Variants in GABRB1 observed in about 807,000 individuals in gnomAD.
GABRB1 encodes the protein gamma-aminobutyric acid type A receptor subunit beta1.
GABRB1 carries 17 observed loss-of-function variants against 51.6 expected under a neutral mutation model. That is an observed-to-expected ratio of 0.33 (90% CI 0.23 to 0.49). The LOEUF (loss-of-function observed/expected upper bound fraction) is 0.49. Ranked by LOEUF, GABRB1 falls within the 20% of genes least tolerant of loss-of-function variation. The pLI, the probability that GABRB1 is intolerant of heterozygous loss-of-function variation, is 0.99. For missense variants in GABRB1, 410 were observed against 600.6 expected, an observed-to-expected ratio of 0.68 and a Z score of 3.32; for synonymous variants, 247 against 218.9, an observed-to-expected ratio of 1.13 and a Z score of -1.14.
intron 4 of GABRB1, among the ~76,000 whole-genome samples, chr4:47,218,543 G>A (rs1404525712): frequency 6.6e-6 from 1 of 151,826 alleles, no homozygotes; most frequent in Non-Finnish European, 1.5e-5. Context: ...GGGGTGAGAT[G>A]ATATCTCATT....
intron 4 of GABRB1, among the ~76,000 whole-genome samples, chr4:47,181,149 C>G (rs1455360227): frequency 6.6e-6 from 1 of 151,962 alleles, no homozygotes; most frequent in Non-Finnish European, 1.5e-5. Context: ...CCTTTTATAG[C>G]TCCTACTAGT....
chr4:47,150,618 T>G lies in GABRB1; in HGVS notation c.241-10631T>G, dbSNP rs541400418. 1.1e-4 allele frequency among the ~76,000 whole-genome samples: 16 copies of G among 143,264 alleles called. No homozygotes were observed. In the South Asian group the frequency reaches 3.8e-3, roughly 34 times the overall value. 94.0% of individuals were successfully genotyped at this position (143,264 alleles called of 152,430 possible). A position where few individuals can be genotyped will look rare whatever the true frequency, so the allele number is the denominator to read the frequency against. ...TTACAGAAATAAATATATACTATCT[T>G]TTCAATACATGACAAAAGCCACATA... On this transcript the variant is annotated intron_variant, in intron 3 of 8. Coordinates refer to ENST00000295454, the MANE Select transcript of GABRB1 (RefSeq NM_000812.4).
intron 3 of GABRB1, among the ~76,000 whole-genome samples, chr4:47,104,711 T>C (rs1714879555): frequency 6.6e-6 from 1 of 152,014 alleles, no homozygotes; most frequent in African/African-American, 2.4e-5. Context: ...GTATCACATT[T>C]ACTAATTGTT....
At chr4:47,029,914 AT>A (rs1354585390), upstream of GABRB1, among the ~76,000 whole-genome samples, 7 of 152,132 alleles carry the variant, frequency 4.6e-5, no homozygotes, top group African/African-American at 1.7e-4. Flanking sequence ...CAGTTTCTAT[AT>A]AGCACAATAA....
At chr4:47,332,324 C>T (rs1725515054) in intron 5 of GABRB1, among the ~76,000 whole-genome samples, 1 of 152,122 alleles carries the variant, frequency 6.6e-6, no homozygotes, top group Admixed American at 6.6e-5. Context: ...GTTTCAAAGT[C>T]CATTTATTAT....
chr4:47,020,624 C>T (rs1289846579), intron 1 of GABRB1, among the ~76,000 whole-genome samples: 1 of 152,126 alleles, frequency 6.6e-6, no homozygotes, highest in African/African-American at 2.4e-5. Flanking sequence ...CATCTATATC[C>T]TCTCTCAGGA....
At chr4:47,405,538 C>A (rs921603895) in intron 7 of GABRB1, among the ~76,000 whole-genome samples, 6 of 151,854 alleles carry the variant, frequency 4.0e-5, no homozygotes, top group Non-Finnish European at 8.8e-5. Context: ...CTCTTTTGAC[C>A]CTAGCTGGGT....
chr4:47,402,489 G>C (rs563474994), intron 5 of GABRB1, among the ~76,000 whole-genome samples: 5 of 152,260 alleles, frequency 3.3e-5, no homozygotes, highest in Admixed American at 1.3e-4. Context: ...TTTTTAAAAT[G>C]TATCTGTACA....
intron 8 of GABRB1, among the ~76,000 whole-genome samples, chr4:47,415,547 A>G (rs948012369): frequency 6.6e-6 from 1 of 152,236 alleles, no homozygotes; most frequent in African/African-American, 2.4e-5. Context: ...CTCACCAGGA[A>G]GATGGAAAAT....
At chr4:47,083,175 C>T (rs1262997845) in intron 3 of GABRB1, among the ~76,000 whole-genome samples, 1 of 152,046 alleles carries the variant, frequency 6.6e-6, no homozygotes, top group East Asian at 1.9e-4. Context: ...TTTAGGAGAC[C>T]TTTAGTCTTG....
chr4:47,422,589 T>C (rs1429098530), intron 8 of GABRB1, among the ~76,000 whole-genome samples: 2 of 152,164 alleles, frequency 1.3e-5, no homozygotes, highest in African/African-American at 2.4e-5. Context: ...CTTGAGTTTC[T>C]CTTCATAGCA....
intron 1 of GABRB1, among the ~76,000 whole-genome samples, chr4:47,017,898 A>C (rs967313744): frequency 1.3e-5 from 2 of 152,196 alleles, no homozygotes; most frequent in Non-Finnish European, 2.9e-5. Flanking sequence ...ATTGTTGTTA[A>C]ATTCAGATTT....
chr4:47,142,554 A>G (rs1475462633), intron 3 of GABRB1, among the ~76,000 whole-genome samples: 1 of 151,914 alleles, frequency 6.6e-6, no homozygotes, highest in Admixed American at 6.6e-5. Context: ...CTTGTTTTAT[A>G]ACATGATTAC....
chr4:47,347,499 A>G (rs1294565519), intron 5 of GABRB1, among the ~76,000 whole-genome samples: 1 of 152,156 alleles, frequency 6.6e-6, no homozygotes, highest in Non-Finnish European at 1.5e-5. Flanking sequence ...AGAATGCCGT[A>G]TATGCTGTTG....
chr4:47,383,012 C>A (rs1179727767), intron 5 of GABRB1, among the ~76,000 whole-genome samples: 1 of 152,184 alleles, frequency 6.6e-6, no homozygotes, highest in Non-Finnish European at 1.5e-5. Flanking sequence ...CTCTGTGACA[C>A]CAATCTAGCA....
chr4:47,155,947 G>A (rs868472444), intron 3 of GABRB1, among the ~76,000 whole-genome samples: 276 of 29,212 alleles, frequency 9.4e-3, no homozygotes, highest in Middle Eastern at 0.024. Flanking sequence ...ATATATATAT[G>A]AAACCACTTT....
chr4:47,290,259 G>A (rs1424896443), intron 4 of GABRB1, among the ~76,000 whole-genome samples: 1 of 152,192 alleles, frequency 6.6e-6, no homozygotes, highest in African/African-American at 2.4e-5. Context: ...ATGATAGTAA[G>A]TCTCCTGAGA....
chr4:47,121,607 A>G (rs1429173854), intron 3 of GABRB1, among the ~76,000 whole-genome samples: 1 of 152,220 alleles, frequency 6.6e-6, no homozygotes, highest in African/African-American at 2.4e-5. Flanking sequence ...ATTATATTTT[A>G]TAACATATGA....
At chr4:47,400,154 C>A (rs1728326683) in intron 5 of GABRB1, among the ~76,000 whole-genome samples, 1 of 152,100 alleles carries the variant, frequency 6.6e-6, no homozygotes. Context: ...GTGGCCTCAT[C>A]AGTGGCCATC....
Sources: gnomAD v4.1 joint callset for allele counts (sites outside exome capture counted in the v4.1 genomes callset) on GRCh38, gnomAD v4.1.1 for gene constraint, MANE v1.5 for transcripts, NCBI Gene and HGNC (gene_info 2026-07-23, HGNC 2026-07-21) for gene names.